EYS: variants seen among roughly 807,000 people sequenced by gnomAD.
The protein encoded by EYS is EGF-like photoreceptor maintenance factor, also known as protein eyes shut homolog.
A neutral mutation model predicts 282.1 loss-of-function variants in EYS; 250 were observed. That is an observed-to-expected ratio of 0.89 (90% CI 0.80 to 0.98). The LOEUF is 0.98. Among genes scored for constraint, EYS ranks in the 50% least tolerant of loss-of-function variants. The pLI is 0.00. For missense variants in EYS, 4,016 were observed against 3,709.0 expected, an observed-to-expected ratio of 1.08 and a Z score of -2.15; for synonymous variants, 1,355 against 1,282.9, an observed-to-expected ratio of 1.06 and a Z score of -1.20.
At chr6:64,588,615 C>T (rs1766305775) in intron 26 of EYS, among the ~76,000 whole-genome samples, 1 of 151,952 alleles carries the variant, frequency 6.6e-6, no homozygotes. Flanking sequence ...CTCTTTAGGC[C>T]CAATGCTGGT....
chr6:64,773,230 G>A (rs1243686059), intron 22 of EYS, among the ~76,000 whole-genome samples: 3 of 151,850 alleles, frequency 2.0e-5, no homozygotes, highest in Non-Finnish European at 4.4e-5. Context: ...AGAACATGTG[G>A]TATTTGGTTT....
intron 12 of EYS, among the ~76,000 whole-genome samples, chr6:65,081,453 C>T (rs987265223): frequency 6.6e-5 from 10 of 152,102 alleles, no homozygotes; most frequent in African/African-American, 2.4e-4. Context: ...TGTAAATTTA[C>T]AACAAATACT....
At chr6:65,531,410 G>A (rs375387205) in intron 2 of EYS, among the ~76,000 whole-genome samples, 1 of 152,142 alleles carries the variant, frequency 6.6e-6, no homozygotes, top group African/African-American at 2.4e-5. Context: ...GTTATGTTCA[G>A]CATTCGGGAT....
At chr6:64,488,563 G>A (rs1178706990) in intron 26 of EYS, among the ~76,000 whole-genome samples, 1 of 150,854 alleles carries the variant, frequency 6.6e-6, no homozygotes, top group Non-Finnish European at 1.5e-5. Context: ...ATAGATAATT[G>A]GCCAAGAAAT....
chr6:64,979,453 G>A (rs556217850), intron 14 of EYS, among the ~76,000 whole-genome samples: 1 of 151,694 alleles, frequency 6.6e-6, no homozygotes, highest in African/African-American at 2.4e-5. Context: ...AAAAAAAGAG[G>A]AATCATAATG....
At chr6:64,834,930 T>C (rs1765337240) in intron 19 of EYS, among the ~76,000 whole-genome samples, 2 of 151,762 alleles carry the variant, frequency 1.3e-5, no homozygotes, top group South Asian at 2.1e-4. Context: ...TGAGAGACAG[T>C]CCAATATCAA....
rs192315223 is a variant in EYS, at chr6:65,222,978, C to T, written c.2023+72885G>A. Reference sequence around the variant, plus strand: ...AGCAACTCACAACAGAACAGCTAAACGGAAGTGATTAAGAGTACAGACCTA... The same window carrying T: ...AGCAACTCACAACAGAACAGCTAAATGGAAGTGATTAAGAGTACAGACCTA... On this transcript the variant is annotated intron_variant, in intron 12 of 42. Coordinates refer to ENST00000503581, the MANE Select transcript of EYS (RefSeq NM_001142800.2). 2.3e-3 allele frequency among the ~76,000 whole-genome samples: 353 copies of T among 152,192 alleles called. 4 individuals are homozygous for T. Among genetic ancestry groups the T allele is most frequent in the Middle Eastern group, 3.4e-3 (1 of 294 alleles).
chr6:65,629,297 G>A (rs1766829977), intron 2 of EYS, among the ~76,000 whole-genome samples: 1 of 152,154 alleles, frequency 6.6e-6, no homozygotes, highest in Non-Finnish European at 1.5e-5. Context: ...GAATCTTTAA[G>A]GGGGTTATTC....
intron 29 of EYS, among the ~76,000 whole-genome samples, chr6:64,371,601 G>A (rs912358058): frequency 6.6e-6 from 1 of 152,062 alleles, no homozygotes; most frequent in African/African-American, 2.4e-5. Context: ...GTCTAATACT[G>A]TCAATGGGGT....
intron 31 of EYS, among the ~76,000 whole-genome samples, chr6:64,157,114 A>T (rs1020062431): frequency 7.2e-6 from 1 of 138,286 alleles, no homozygotes; most frequent in Non-Finnish European, 1.5e-5. Context: ...TCATTGTTCA[A>T]TTCCCACCTA....
chr6:65,281,323 A>C (rs1217749701), intron 12 of EYS, among the ~76,000 whole-genome samples: 1 of 152,186 alleles, frequency 6.6e-6, no homozygotes, highest in African/African-American at 2.4e-5. Context: ...AATATTCAAC[A>C]GAATATTTCA....
chr6:64,326,286 C>T (rs1770419528), intron 29 of EYS, among the ~76,000 whole-genome samples: 1 of 152,128 alleles, frequency 6.6e-6, no homozygotes, highest in Non-Finnish European at 1.5e-5. Flanking sequence ...CTCAACTCCA[C>T]ATTCCTCAAA....
At chr6:65,203,233 T>C (rs190589259) in intron 12 of EYS, among the ~76,000 whole-genome samples, 37 of 152,282 alleles carry the variant, frequency 2.4e-4, no homozygotes, top group African/African-American at 8.2e-4. Flanking sequence ...TTTATACCAT[T>C]TAACTGGCTT....
At chr6:63,824,964 C>T (rs1392913958) in intron 36 of EYS, among the ~76,000 whole-genome samples, 1 of 152,204 alleles carries the variant, frequency 6.6e-6, no homozygotes. Flanking sequence ...AGGGGAAGAA[C>T]TAAAGCCCTT....
intron 15 of EYS, among the ~76,000 whole-genome samples, chr6:64,932,158 C>T (rs1435955316): frequency 1.3e-5 from 2 of 152,046 alleles, no homozygotes; most frequent in South Asian, 2.1e-4. Context: ...CCCTCTCTCC[C>T]CAGCTCTTCA....
intron 31 of EYS, among the ~76,000 whole-genome samples, chr6:64,105,153 A>G (rs1377733657): frequency 3.3e-5 from 5 of 152,010 alleles, no homozygotes; most frequent in Non-Finnish European, 7.4e-5. Context: ...CAGAATCTGC[A>G]AGATGGTGGT....
At chr6:63,775,160 G>A (rs1250049523) in intron 40 of EYS, among the ~76,000 whole-genome samples, 1 of 152,142 alleles carries the variant, frequency 6.6e-6, no homozygotes, top group Admixed American at 6.5e-5. Flanking sequence ...TCTGTGTGTG[G>A]TGATGAACTC....
rs564780085 is a variant in EYS, at chr6:64,610,710, A to G, written c.3684+6708T>C. Among the ~76,000 whole-genome samples the G allele has an allele frequency of 2.0e-5, 3 of 152,316 alleles. No homozygotes were observed. In the East Asian group the frequency reaches 5.8e-4, roughly 29 times the overall value. Reference sequence around the variant, plus strand: ...TGAGCCACTGCAACAAGCAAGTTGTAAGACATTTAGATTGTACATCACAGC... The same window carrying G: ...TGAGCCACTGCAACAAGCAAGTTGTGAGACATTTAGATTGTACATCACAGC... On this transcript the variant is annotated intron_variant, in intron 24 of 42. Coordinates refer to ENST00000503581, the MANE Select transcript of EYS (RefSeq NM_001142800.2).
At chr6:65,483,532 A>C (rs148602909) in intron 5 of EYS, among the ~76,000 whole-genome samples, 1 of 152,146 alleles carries the variant, frequency 6.6e-6, no homozygotes, top group Non-Finnish European at 1.5e-5. Context: ...TCATTAGAAC[A>C]TAATATTGAT....
Sources: allele counts gnomAD v4.1 joint callset (sites outside exome capture counted in the v4.1 genomes callset), GRCh38; gene constraint gnomAD v4.1.1; transcripts MANE v1.5; gene names NCBI Gene and HGNC (gene_info 2026-07-23, HGNC 2026-07-21).